Variants in CHCHD6 observed in about 807,000 individuals in gnomAD.
CHCHD6 encodes the protein coiled-coil-helix-coiled-coil-helix domain containing 6, also known as MICOS complex subunit MIC25.
A neutral mutation model predicts 32.3 loss-of-function variants in CHCHD6; 28 were observed. The ratio of observed to expected loss-of-function variants is 0.87; its 90% CI spans 0.64 to 1.19. The LOEUF is 1.19. CHCHD6 is among the 50% of genes most tolerant of loss of function. The probability of loss-of-function intolerance (pLI) is 0.00; values close to 1 mark genes in which losing one functional copy is unlikely to be tolerated. For synonymous variants in CHCHD6, 122 were observed against 117.5 expected (o/e 1.04, Z -0.25); for missense variants, 333 against 307.0 (o/e 1.08, Z -0.63).
At chr3:126,720,629 C>T (rs1935236778) in intron 1 of CHCHD6, among the ~76,000 whole-genome samples, 1 of 152,258 alleles carries the variant, frequency 6.6e-6, no homozygotes. Context: ...CCAGTTTCAG[C>T]CACCATTTGG....
At chr3:126,709,053 C>T (rs1934633233) in intron 1 of CHCHD6, among the ~76,000 whole-genome samples, 1 of 152,158 alleles carries the variant, frequency 6.6e-6, no homozygotes, top group Non-Finnish European at 1.5e-5. Flanking sequence ...TTTAAATTAT[C>T]TCCAGATTAC....
chr3:126,732,033 T>C (rs1935826375), intron 3 of CHCHD6, among the ~76,000 whole-genome samples: 1 of 144,296 alleles, frequency 6.9e-6, no homozygotes, highest in Non-Finnish European at 1.5e-5. Context: ...GAGTTATGAT[T>C]GCACCACTGC....
intron 6 of CHCHD6, among the ~76,000 whole-genome samples, chr3:126,919,202 A>T (rs538883159): frequency 3.3e-5 from 5 of 152,184 alleles, no homozygotes; most frequent in African/African-American, 1.2e-4. Flanking sequence ...ATTGTCAATT[A>T]GGTTAAGTTG....
intron 4 of CHCHD6, among the ~76,000 whole-genome samples, chr3:126,841,725 G>A (rs965899963): frequency 1.3e-5 from 2 of 151,138 alleles, no homozygotes; most frequent in Non-Finnish European, 2.9e-5. Context: ...AGCAACATAG[G>A]GAGACCCCGT....
chr3:126,728,244 C>T (rs1469451591), intron 2 of CHCHD6, among the ~76,000 whole-genome samples: 1 of 152,182 alleles, frequency 6.6e-6, no homozygotes, highest in East Asian at 1.9e-4. Flanking sequence ...TCTCATGGCA[C>T]ACCTGGCTCT....
chr3:126,873,147 A>G (rs2077498559), intron 5 of CHCHD6, among the ~76,000 whole-genome samples: 1 of 152,228 alleles, frequency 6.6e-6, no homozygotes, highest in Admixed American at 6.5e-5. Context: ...AAGTGTTTTC[A>G]GATATTCAAA....
chr3:126,722,362 T>C (rs945097234), intron 1 of CHCHD6, among the ~76,000 whole-genome samples: 4 of 152,160 alleles, frequency 2.6e-5, no homozygotes, highest in Non-Finnish European at 5.9e-5. Context: ...AGGGCCTCAC[T>C]GTGTTGCCCA....
intron 2 of CHCHD6, among the ~76,000 whole-genome samples, chr3:126,729,114 T>C (rs1180260361): frequency 6.6e-6 from 1 of 152,094 alleles, no homozygotes; most frequent in Non-Finnish European, 1.5e-5. Flanking sequence ...ACACGTCATA[T>C]TAAACGAAGA....
chr3:126,823,692 A>T (rs959583127), intron 4 of CHCHD6, among the ~76,000 whole-genome samples: 5 of 152,166 alleles, frequency 3.3e-5, no homozygotes, highest in African/African-American at 1.2e-4. Flanking sequence ...TTGGAATTTT[A>T]AGAATTCCAT....
At position 126,871,617 on chromosome 3, in the gene CHCHD6, G is replaced by A. The variant is rs72980854; in HGVS notation, c.495+18887G>A. Among the ~76,000 whole-genome samples the A allele has an allele frequency of 6.7e-3, 1,007 of 151,040 alleles. 8 individuals are homozygous for A. The highest frequency in any genetic ancestry group is 0.023 in the African/African-American group (959 of 41,104). On this transcript the variant is annotated intron_variant, in intron 5 of 7. Coordinates refer to ENST00000290913, the MANE Select transcript of CHCHD6 (RefSeq NM_032343.3). ...TGGCAAGGTCATGATTTTTAGGCTC[G>A]TTGGAGCTGAGGACAGCTTATGCTC...
chr3:126,910,034 T>C (rs1430224576), intron 5 of CHCHD6, among the ~76,000 whole-genome samples: 3 of 152,104 alleles, frequency 2.0e-5, no homozygotes, highest in Non-Finnish European at 4.4e-5. Context: ...CCCAACACTT[T>C]GGGAGGCCAA....
intron 6 of CHCHD6, among the ~76,000 whole-genome samples, chr3:126,915,131 G>T (rs952340499): frequency 2.6e-5 from 4 of 152,242 alleles, no homozygotes; most frequent in African/African-American, 9.6e-5. Flanking sequence ...CTGTGGAGGG[G>T]TTTTTAGGGG....
At chr3:126,718,225 CTG>C (rs1251435042) in intron 1 of CHCHD6, among the ~76,000 whole-genome samples, 1 of 152,228 alleles carries the variant, frequency 6.6e-6, no homozygotes, top group Non-Finnish European at 1.5e-5. Context: ...CAAATGCTAA[CTG>C]TTGTTATTAT....
chr3:126,789,791 C>G (rs1426470004), intron 4 of CHCHD6, among the ~76,000 whole-genome samples: 1 of 152,114 alleles, frequency 6.6e-6, no homozygotes, highest in Non-Finnish European at 1.5e-5. Context: ...TTGCCACTCT[C>G]TGTCTTTTAA....
chr3:126,714,948 T>A (rs1044280784), intron 1 of CHCHD6, among the ~76,000 whole-genome samples: 1 of 152,134 alleles, frequency 6.6e-6, no homozygotes, highest in African/African-American at 2.4e-5. Context: ...TTAAACTGCC[T>A]CCCCATTGCG....
intron 6 of CHCHD6, among the ~76,000 whole-genome samples, chr3:126,954,520 C>T (rs1285403347): frequency 1.3e-5 from 2 of 152,240 alleles, no homozygotes; most frequent in Non-Finnish European, 2.9e-5. Context: ...TCCGCCTGTC[C>T]TGTCTATGGT....
At chr3:126,928,885 C>A (rs901960806) in intron 6 of CHCHD6, among the ~76,000 whole-genome samples, 6 of 152,342 alleles carry the variant, frequency 3.9e-5, no homozygotes, top group Admixed American at 1.3e-4. Context: ...TGGGGTCATT[C>A]ATGTGTGGTC....
At chr3:126,720,758 C>T (rs773200035) in intron 1 of CHCHD6, among the ~76,000 whole-genome samples, 6 of 152,142 alleles carry the variant, frequency 3.9e-5, no homozygotes, top group East Asian at 1.9e-4. Flanking sequence ...AGATGTTCCA[C>T]GTTGCTCCTG....
intron 5 of CHCHD6, among the ~76,000 whole-genome samples, chr3:126,875,825 C>T (rs2077532692): frequency 6.6e-6 from 1 of 152,188 alleles, no homozygotes; most frequent in Non-Finnish European, 1.5e-5. Context: ...AGAAAAATCA[C>T]ATCCTGTCAC....
Sources: gnomAD v4.1 joint callset for allele counts (sites outside exome capture counted in the v4.1 genomes callset) on GRCh38, gnomAD v4.1.1 for gene constraint, MANE v1.5 for transcripts, NCBI Gene and HGNC (gene_info 2026-07-23, HGNC 2026-07-21) for gene names.